The following BLTP1 variants were observed in gnomAD, a reference collection of about 807,000 sequenced individuals.
The protein encoded by BLTP1 is fragile site-associated protein.
At chr4:122,241,604 C>T in the BLTP1 span, among the ~76,000 whole-genome samples, 1 of 152,132 alleles carries the variant, frequency 6.6e-6, no homozygotes, top group Non-Finnish European at 1.5e-5. Flanking sequence ...GTTGAATATT[C>T]TCATAGATTA....
At chr4:122,248,120 G>C in the BLTP1 span, 2 of 985,156 alleles carry the variant, frequency 2.0e-6, no homozygotes, top group African/African-American at 1.7e-5. Context: ...CTTTCTCAAG[G>C]CTTATTTTTT....
At chr4:122,229,257 G>A in the BLTP1 span, 3 of 1,582,946 alleles carry the variant, frequency 1.9e-6, no homozygotes, top group South Asian at 2.3e-5. Context: ...GTTTTGCTTG[G>A]CTGGTGTAGT....
chr4:122,255,631 A>G, the BLTP1 span, among the ~76,000 whole-genome samples: 1 of 152,170 alleles, frequency 6.6e-6, no homozygotes, highest in Non-Finnish European at 1.5e-5. Flanking sequence ...GGGCAACAAG[A>G]GCAAAACTCT....
At chr4:122,238,332 G>C in the BLTP1 span, 3 of 1,614,046 alleles carry the variant, frequency 1.9e-6, no homozygotes, top group Non-Finnish European at 2.5e-6. Flanking sequence ...GGGACAAAAA[G>C]AGATGATGGC....
the BLTP1 span, chr4:122,234,658 G>A: frequency 3.0e-5 from 35 of 1,166,138 alleles, no homozygotes; most frequent in African/African-American, 5.0e-4. Context: ...TGTTTACTTT[G>A]TCATTTAAAA....
the BLTP1 span, chr4:122,346,514 A>T: frequency 3.5e-6 from 5 of 1,446,098 alleles, no homozygotes; most frequent in Non-Finnish European, 4.6e-6. Context: ...TAATCATAAT[A>T]TGTAACTTAA....
chr4:122,201,241 A>G, the BLTP1 span: 3 of 790,514 alleles, frequency 3.8e-6, no homozygotes, highest in East Asian at 3.0e-5. Context: ...ATTTTCTTCA[A>G]CATTTCATTT....
the BLTP1 span, chr4:122,313,551 T>G: frequency 5.7e-5 from 61 of 1,073,398 alleles, no homozygotes; most frequent in African/African-American, 8.5e-4. Context: ...TAATCTTGTG[T>G]GAAAAATTAA....
the BLTP1 span, chr4:122,256,809 T>G: frequency 1.9e-6 from 1 of 516,694 alleles, no homozygotes; most frequent in Non-Finnish European, 2.5e-6. Flanking sequence ...TTATAGTAAT[T>G]TATTTTTTTA....
chr4:122,235,366 T>C, the BLTP1 span: 1 of 984,710 alleles, frequency 1.0e-6, no homozygotes, highest in African/African-American at 1.7e-5. Flanking sequence ...AAGGTAACAA[T>C]TGTTTCACCA....
the BLTP1 span, chr4:122,304,774 TCCTCCTAACA>T: frequency 6.2e-7 from 1 of 1,606,178 alleles, no homozygotes. Context: ...TTCATTTTTT[TCCTCCTAACA>T]TATAATCTGC....
chr4:122,193,691 C>G, the BLTP1 span: 1 of 918,936 alleles, frequency 1.1e-6, no homozygotes, highest in East Asian at 1.2e-4. Context: ...CATGAACTAG[C>G]TTTTTTGAAT....
the BLTP1 span, chr4:122,210,871 TC>T: frequency 6.2e-7 from 1 of 1,607,584 alleles, no homozygotes; most frequent in Non-Finnish European, 8.5e-7. Flanking sequence ...GTCTTTTTTT[TC>T]TTAATTTATT....
chr4:122,320,084 T>C, the BLTP1 span, among the ~76,000 whole-genome samples: 2 of 152,192 alleles, frequency 1.3e-5, no homozygotes, highest in Non-Finnish European at 2.9e-5. Context: ...TCTCAAACTG[T>C]AATAGTGGAT....
the BLTP1 span, among the ~76,000 whole-genome samples, chr4:122,252,419 A>G: frequency 6.6e-6 from 1 of 152,074 alleles, no homozygotes; most frequent in Non-Finnish European, 1.5e-5. Context: ...CAGGGAGCCC[A>G]CTGTCCTGAA....
At chr4:122,304,821 T>C in the BLTP1 span, 2 of 1,613,722 alleles carry the variant, frequency 1.2e-6, no homozygotes, top group Admixed American at 3.3e-5. Context: ...CGGCCACTAC[T>C]CCATCAATGA....
At chr4:122,298,682 A>G in the BLTP1 span, 5 of 62,588 alleles carry the variant, frequency 8.0e-5, no homozygotes, top group Non-Finnish European at 1.2e-4. Flanking sequence ...TATAATAATA[A>G]AAAGATTTAA....
At chr4:122,343,043 A>AT in the BLTP1 span, among the ~76,000 whole-genome samples, 3 of 152,112 alleles carry the variant, frequency 2.0e-5, no homozygotes, top group African/African-American at 4.8e-5. Context: ...TATGATATGG[A>AT]TTTTTTTACA....
the BLTP1 span, chr4:122,221,086 T>A: frequency 3.1e-6 from 3 of 978,724 alleles, no homozygotes; most frequent in East Asian, 3.4e-4. Context: ...TTTAATCAAG[T>A]TGTGTGATTT....
Sources: allele counts gnomAD v4.1 joint callset (sites outside exome capture counted in the v4.1 genomes callset), GRCh38; gene constraint gnomAD v4.1.1; transcripts MANE v1.5; gene names NCBI Gene and HGNC (gene_info 2026-07-23, HGNC 2026-07-21).